AUTS2: variants seen among roughly 807,000 people sequenced by gnomAD.
AUTS2 encodes the protein activator of transcription and developmental regulator AUTS2, also known as autism susceptibility gene 2 protein.
In AUTS2, 17 loss-of-function variants were observed where a neutral mutation model predicts 112.4. The ratio of observed to expected loss-of-function variants is 0.15; its 90% CI spans 0.10 to 0.23. The LOEUF (loss-of-function observed/expected upper bound fraction) is 0.23. AUTS2 is among the 10% of genes least tolerant of loss of function. AUTS2 has a pLI of 1.00. For synonymous variants in AUTS2, 751 were observed against 702.7 expected (o/e 1.07, Z -1.09); for missense variants, 1,510 against 1,701.6 (o/e 0.89, Z 1.98).
intron 5 of AUTS2, among the ~76,000 whole-genome samples, chr7:70,553,760 CTTTTT>C (rs71531706): frequency 3.6e-5 from 2 of 56,116 alleles, no homozygotes; most frequent in Non-Finnish European, 6.3e-5. Flanking sequence ...GCCTTTCTTT[CTTTTT>C]TTTTTTTTTT....
chr7:70,048,075 T>G (rs1159664549), intron 2 of AUTS2, among the ~76,000 whole-genome samples: 1 of 152,186 alleles, frequency 6.6e-6, no homozygotes, highest in Non-Finnish European at 1.5e-5. Flanking sequence ...GTAGATGGTA[T>G]AAAATAATAA....
intron 1 of AUTS2, among the ~76,000 whole-genome samples, chr7:69,631,552 A>G (rs750998585): frequency 4.6e-5 from 7 of 152,252 alleles, no homozygotes; most frequent in Non-Finnish European, 1.0e-4. Context: ...GCTGGATAGC[A>G]TAGGCAAGGT....
chr7:70,171,671 A>G (rs184697809), intron 4 of AUTS2, among the ~76,000 whole-genome samples: 41 of 152,346 alleles, frequency 2.7e-4, no homozygotes, highest in Admixed American at 2.2e-3. Flanking sequence ...CAACAGTGAA[A>G]AGCAGACAGA....
At chr7:70,290,316 G>T in intron 4 of AUTS2, 1 of 1,438,338 alleles carries the variant, frequency 7.0e-7, no homozygotes, top group Non-Finnish European at 9.1e-7. Flanking sequence ...TTATATCAGA[G>T]GGCATTTAAC....
At chr7:70,167,460 A>T (rs1249537912) in intron 4 of AUTS2, among the ~76,000 whole-genome samples, 1 of 152,330 alleles carries the variant, frequency 6.6e-6, no homozygotes, top group East Asian at 1.9e-4. Flanking sequence ...AGACAAATCT[A>T]CTAATAAAGT....
At chr7:70,372,150 CA>C (rs1792867991) in intron 4 of AUTS2, among the ~76,000 whole-genome samples, 1 of 152,144 alleles carries the variant, frequency 6.6e-6, no homozygotes, top group Admixed American at 6.5e-5. Flanking sequence ...TTGAGCTACA[CA>C]GTTTCAGAAA....
At chr7:69,992,412 G>A (rs754970370) in intron 2 of AUTS2, among the ~76,000 whole-genome samples, 1 of 152,194 alleles carries the variant, frequency 6.6e-6, no homozygotes, top group Non-Finnish European at 1.5e-5. Flanking sequence ...ATGATTGATT[G>A]TGCCATTATT....
At chr7:69,991,274 T>C (rs1798731849) in intron 2 of AUTS2, among the ~76,000 whole-genome samples, 1 of 152,182 alleles carries the variant, frequency 6.6e-6, no homozygotes, top group Non-Finnish European at 1.5e-5. Flanking sequence ...CATCCTGAGG[T>C]GATGCAGTGT....
chr7:70,027,890 T>C (rs889801106), intron 2 of AUTS2, among the ~76,000 whole-genome samples: 2 of 152,180 alleles, frequency 1.3e-5, no homozygotes, highest in African/African-American at 2.4e-5. Flanking sequence ...AAGTGTTTTT[T>C]TTTGTTTGTT....
intron 2 of AUTS2, among the ~76,000 whole-genome samples, chr7:70,098,108 TATA>T (rs2129568883): frequency 6.6e-6 from 1 of 152,288 alleles, no homozygotes; most frequent in South Asian, 2.1e-4. Flanking sequence ...AGGGGCCCAG[TATA>T]ATTTAAGGTA....
chr7:70,435,844 C>A, intron 5 of AUTS2, 63 bp downstream of exon 5: 1 of 1,551,218 alleles, frequency 6.4e-7, no homozygotes, highest in Non-Finnish European at 8.9e-7. Context: ...AGAGTCCTCC[C>A]ACACACAGCT....
chr7:69,658,188 T>C (rs1004496591), intron 1 of AUTS2, among the ~76,000 whole-genome samples: 1 of 152,218 alleles, frequency 6.6e-6, no homozygotes, highest in African/African-American at 2.4e-5. Context: ...CAGAATTGAG[T>C]AGTTGCAGCA....
chr7:69,646,632 C>T (rs577874625), intron 1 of AUTS2, among the ~76,000 whole-genome samples: 2 of 152,218 alleles, frequency 1.3e-5, no homozygotes, highest in East Asian at 1.9e-4. Context: ...AATAACAGAC[C>T]AATGTGGGTA....
intron 6 of AUTS2, among the ~76,000 whole-genome samples, chr7:70,724,710 G>T (rs1786922307): frequency 1.3e-5 from 2 of 152,116 alleles, no homozygotes; most frequent in South Asian, 4.1e-4. Flanking sequence ...CTCCCAAAGT[G>T]CTGGGATTAC....
chr7:69,863,771 C>T (rs1196860090), intron 1 of AUTS2, among the ~76,000 whole-genome samples: 8 of 152,182 alleles, frequency 5.3e-5, no homozygotes, highest in Non-Finnish European at 1.2e-4. Flanking sequence ...GGGGAGGCTG[C>T]GTGTGTGCCC....
chr7:70,757,850 C>G (rs1283360514), intron 6 of AUTS2, among the ~76,000 whole-genome samples: 2 of 112,656 alleles, frequency 1.8e-5, no homozygotes, highest in Admixed American at 2.8e-4. Flanking sequence ...GGGTCTTGCT[C>G]TGTCACTCAG....
chr7:69,930,932 G>A (rs1037929527), intron 2 of AUTS2, among the ~76,000 whole-genome samples: 1 of 152,130 alleles, frequency 6.6e-6, no homozygotes, highest in African/African-American at 2.4e-5. Context: ...TTTAAGGTGA[G>A]TATTCAGGGA....
chr7:69,931,435 T>G (rs1222170475), intron 2 of AUTS2, among the ~76,000 whole-genome samples: 2 of 152,248 alleles, frequency 1.3e-5, no homozygotes, highest in Non-Finnish European at 2.9e-5. Flanking sequence ...GTGAAAGAGC[T>G]GTCAGAGAAT....
chr7:70,257,173 CT>C (rs1348833893), intron 4 of AUTS2, among the ~76,000 whole-genome samples: 1 of 152,120 alleles, frequency 6.6e-6, no homozygotes, highest in African/African-American at 2.4e-5. Flanking sequence ...TGGGGTCTCA[CT>C]CTATTACCCA....
Sources: gnomAD v4.1 joint callset for allele counts (sites outside exome capture counted in the v4.1 genomes callset) on GRCh38, gnomAD v4.1.1 for gene constraint, MANE v1.5 for transcripts, NCBI Gene and HGNC (gene_info 2026-07-23, HGNC 2026-07-21) for gene names.